Variants in RSAD2 observed in about 807,000 individuals in gnomAD.
RSAD2 encodes the protein radical S-adenosyl methionine domain containing 2, also known as S-adenosylmethionine-dependent nucleotide dehydratase RSAD2.
In RSAD2, 38 loss-of-function variants were observed where a neutral mutation model predicts 37.7. That is an observed-to-expected ratio of 1.01 (90% CI 0.78 to 1.32). The LOEUF (loss-of-function observed/expected upper bound fraction) is 1.32. RSAD2 is among the 40% of genes most tolerant of loss of function. The pLI, the probability that RSAD2 is intolerant of heterozygous loss-of-function variation, is 0.00. For missense variants in RSAD2, 428 were observed against 437.5 expected (o/e 0.98, Z 0.19); for synonymous variants, 163 against 157.4 (o/e 1.04, Z -0.27).
chr2:6,878,095 G>T lies in RSAD2; in HGVS notation c.295G>T (p.Val99Leu). Residue 99 changes from valine (V) to leucine (L), a missense_variant, in exon 1 of 6, where the codon GTG becomes TTG. Coordinates refer to ENST00000382040, the MANE Select transcript of RSAD2 (RefSeq NM_080657.5). ...TTTCCACACAGCCAAAACATCCTTT[G>T]TGCTGCCCCTTGAGGAAGCAAAGAG... ...FCFHTAKTSFVLPLEEAKRGL... is the reference protein window; with the variant it reads ...FCFHTAKTSFLLPLEEAKRGL... 1 of 1,614,160 alleles carries T rather than the reference G, an allele frequency of 6.2e-7. No homozygotes were observed. Among genetic ancestry groups the T allele is most frequent in the Non-Finnish European group, 8.5e-7 (1 of 1,180,022 alleles).
chr2:6,887,686 C>T (rs1207674213), intron 3 of RSAD2, among the ~76,000 whole-genome samples: 1 of 152,326 alleles, frequency 6.6e-6, no homozygotes, highest in Admixed American at 6.5e-5. Context: ...ATATGCAGCT[C>T]CCACTCTGTG....
At chr2:6,879,191 T>G (rs1663351708) in intron 1 of RSAD2, 1 of 405,252 alleles carries the variant, frequency 2.5e-6, no homozygotes, top group Admixed American at 2.6e-5. Context: ...ATTGCTCAAA[T>G]GAGAACCTGA....
chr2:6,876,856 GA>G (rs1467029751), upstream of RSAD2: 1 of 152,136 alleles, frequency 6.6e-6, no homozygotes, highest in Non-Finnish European at 1.5e-5. Context: ...TGCTGATGAA[GA>G]AATGGAAATC....
chr2:6,883,423 A>G lies in RSAD2; in HGVS notation c.399A>G (p.Gly133=). ...GAGAGCCATTTCTTCAAGACCGGGG[A>G]GAATACCTGGGCAAGTTGGTGAGGT... ...SGGEPFLQDR[G]EYLGKLVRFC... Residue 133 remains glycine (G), a synonymous_variant, in exon 2 of 6, where the codon GGA becomes GGG. Coordinates refer to ENST00000382040, the MANE Select transcript of RSAD2 (RefSeq NM_080657.5). 1.2e-6 allele frequency: 2 copies of G among 1,614,130 alleles called. No homozygotes were observed. Among genetic ancestry groups the G allele is most frequent in the Non-Finnish European group, 1.7e-6 (2 of 1,180,034 alleles).
upstream of RSAD2, among the ~76,000 whole-genome samples, chr2:6,873,417 T>C (rs1291300696): frequency 6.6e-6 from 1 of 152,230 alleles, no homozygotes; most frequent in Non-Finnish European, 1.5e-5. Flanking sequence ...GGTTTAACTT[T>C]CAGGTTATGC....
chr2:6,869,519 C>A (rs1663168092), intron 1 of RSAD2, among the ~76,000 whole-genome samples: 1 of 152,070 alleles, frequency 6.6e-6, no homozygotes, highest in Admixed American at 6.5e-5. Context: ...AAAGGGAAAG[C>A]CAAAGAGGTT....
At chr2:6,888,749 C>G (rs968802237) in intron 3 of RSAD2, among the ~76,000 whole-genome samples, 1 of 152,146 alleles carries the variant, frequency 6.6e-6, no homozygotes, top group Non-Finnish European at 1.5e-5. Flanking sequence ...GTTTGGAAAA[C>G]CAGATTATTG....
chr2:6,885,227 T>C (rs1223993119), intron 2 of RSAD2, among the ~76,000 whole-genome samples: 4 of 152,220 alleles, frequency 2.6e-5, no homozygotes, highest in Non-Finnish European at 5.9e-5. Context: ...TAGGTTGTAC[T>C]TTCTCTCTAG....
At position 6,898,136 on chromosome 2, in the gene RSAD2, G is replaced by T. The variant is rs1240625720; in HGVS notation, c.*2194G>T. The T allele has an allele frequency of 1.3e-5, 2 of 152,180 alleles. No individual in the cohort carries two copies. The highest frequency in any genetic ancestry group is 4.8e-5 in the African/African-American group (2 of 41,490). The allele number at this position is 152,180 out of a possible 1,614,324, so 9.4% of individuals were successfully genotyped here. A position where few individuals can be genotyped will look rare whatever the true frequency, so the allele number is the denominator to read the frequency against. ...TCTGAATTTGAAGTTTGAATCTTCT[G>T]AGTTGGAATGAATTTTTTTCTAGCT... On this transcript the variant is annotated 3_prime_UTR_variant, in exon 6 of 6. Coordinates refer to ENST00000382040, the MANE Select transcript of RSAD2 (RefSeq NM_080657.5).
chr2:6,865,893 C>G, exon 1 of RSAD2: 1 of 1,410,112 alleles, frequency 7.1e-7, no homozygotes, highest in South Asian at 1.4e-5. Flanking sequence ...GCCTCTCCTC[C>G]TCGCCGCGAG....
At chr2:6,892,060 C>A (rs1046228674) in intron 4 of RSAD2, among the ~76,000 whole-genome samples, 3 of 152,144 alleles carry the variant, frequency 2.0e-5, no homozygotes, top group African/African-American at 7.2e-5. Context: ...TAGTTTTATT[C>A]ACCTTTATAA....
intron 2 of RSAD2, among the ~76,000 whole-genome samples, chr2:6,884,882 G>GAA (rs919573955): frequency 2.6e-5 from 4 of 152,100 alleles, no homozygotes; most frequent in Non-Finnish European, 5.9e-5. Flanking sequence ...ATAAATATTT[G>GAA]AAAATAATTA....
rs1371781541 is a variant in RSAD2 at position 6,897,521 on chromosome 2, TG to T, written c.*1580del. The stretch of plus-strand genomic sequence containing the variant: ...GTCTATAATTCAATTTAAATATGTG[TG>T]TGTCTCATCCAGGATAGGATAGGTT... On this transcript the variant is annotated 3_prime_UTR_variant, in exon 6 of 6. Coordinates refer to ENST00000382040, the MANE Select transcript of RSAD2 (RefSeq NM_080657.5). 6.6e-6 allele frequency: 1 copy of T among 152,242 alleles called. No homozygotes were observed. The highest frequency in any genetic ancestry group is 2.4e-5 in the African/African-American group (1 of 41,456). The allele number at this position is 152,242 out of a possible 1,614,324, so 9.4% of individuals were successfully genotyped here. A position where few individuals can be genotyped will look rare whatever the true frequency, so the allele number is the denominator to read the frequency against.
chr2:6,867,258 G>C (rs923003447), intron 1 of RSAD2, among the ~76,000 whole-genome samples: 1 of 152,174 alleles, frequency 6.6e-6, no homozygotes, highest in Non-Finnish European at 1.5e-5. Flanking sequence ...AGTTCAGGTG[G>C]CCAGAGAAGC....
chr2:6,871,106 C>T (rs1265018900), intron 1 of RSAD2, among the ~76,000 whole-genome samples: 1 of 152,168 alleles, frequency 6.6e-6, no homozygotes, highest in Non-Finnish European at 1.5e-5. Context: ...CTTTGAAAGT[C>T]CTCAATGGAA....
intron 1 of RSAD2, among the ~76,000 whole-genome samples, chr2:6,867,181 A>G (rs1222749819): frequency 2.6e-5 from 4 of 152,188 alleles, no homozygotes; most frequent in Admixed American, 6.5e-5. Flanking sequence ...GTATTAGTCT[A>G]TCCTGGCTGC....
chr2:6,894,843 A>T (rs757859624), intron 5 of RSAD2, among the ~76,000 whole-genome samples: 5 of 152,240 alleles, frequency 3.3e-5, no homozygotes, highest in Non-Finnish European at 7.3e-5. Flanking sequence ...GGAAAAGGTG[A>T]TAAGGAAAAC....
At chr2:6,884,764 CTA>C (rs1663482557) in intron 2 of RSAD2, among the ~76,000 whole-genome samples, 1 of 152,134 alleles carries the variant, frequency 6.6e-6, no homozygotes, top group Admixed American at 6.5e-5. Context: ...CGCCATATTC[CTA>C]TAGTGCATGA....
intron 1 of RSAD2, 37 bp from the exon 2 acceptor site, chr2:6,883,334 T>A: frequency 6.3e-7 from 1 of 1,594,992 alleles, no homozygotes; most frequent in Non-Finnish European, 8.6e-7. Flanking sequence ...TAATGTATAT[T>A]TGTGAAGTGG....
Sources: gnomAD v4.1 joint callset for allele counts (sites outside exome capture counted in the v4.1 genomes callset) on GRCh38, gnomAD v4.1.1 for gene constraint, MANE v1.5 for transcripts, NCBI Gene and HGNC (gene_info 2026-07-23, HGNC 2026-07-21) for gene names.